AGBL1: variants seen among roughly 807,000 people sequenced by gnomAD.
AGBL1 encodes cytosolic carboxypeptidase 4.
AGBL1 carries 130 observed loss-of-function variants against 118.9 expected under a neutral mutation model. The observed-to-expected ratio is 1.09, with a 90% CI of 0.95 to 1.26. The LOEUF is 1.26. AGBL1 is among the 50% of genes most tolerant of loss of function. The probability of loss-of-function intolerance (pLI) is 0.00; values close to 1 mark genes in which losing one functional copy is unlikely to be tolerated. For missense variants in AGBL1, 1,584 were observed against 1,298.1 expected, an observed-to-expected ratio of 1.22 and a Z score of -3.38; for synonymous variants, 555 against 478.9, an observed-to-expected ratio of 1.16 and a Z score of -2.08.
At chr15:86,990,855 G>C (rs1436431765) in intron 24 of AGBL1, among the ~76,000 whole-genome samples, 1 of 152,122 alleles carries the variant, frequency 6.6e-6, no homozygotes, top group Non-Finnish European at 1.5e-5. Context: ...AACTCAGAAG[G>C]GGGAGGTTTA....
chr15:86,158,522 A>G (rs2077223359), intron 4 of AGBL1, among the ~76,000 whole-genome samples: 1 of 152,174 alleles, frequency 6.6e-6, no homozygotes, highest in Non-Finnish European at 1.5e-5. Context: ...GGGTACTGGG[A>G]ATGTTGGAGA....
chr15:86,630,715 G>C (rs1018940846), intron 21 of AGBL1: 14 of 152,216 alleles, frequency 9.2e-5, no homozygotes, highest in Admixed American at 2.6e-4. Context: ...GCTCTGCTCA[G>C]ATAGCTCGAG....
intron 5 of AGBL1, among the ~76,000 whole-genome samples, chr15:86,171,220 G>C (rs2141753138): frequency 6.6e-6 from 1 of 152,178 alleles, no homozygotes; most frequent in Non-Finnish European, 1.5e-5. Flanking sequence ...CACTAGAAAT[G>C]GTAACATGAG....
intron 22 of AGBL1, among the ~76,000 whole-genome samples, chr15:86,754,425 T>A (rs1207769954): frequency 1.3e-5 from 2 of 152,100 alleles, no homozygotes; most frequent in African/African-American, 4.8e-5. Flanking sequence ...ACCAGGTAGG[T>A]TCTGATGTCT....
chr15:86,701,573 G>A lies in AGBL1; in HGVS notation c.3158+27137G>A, dbSNP rs140252398. On this transcript the variant is annotated intron_variant, in intron 22 of 22. Coordinates refer to ENST00000614907, the MANE Select transcript of AGBL1 (RefSeq NM_001386094.1). ...TGCTTTGTCTCTTGAATGGTCTCTA[G>A]AGATTAGGAAAAGAAAGCAGTTGAA... is the stretch of plus-strand genomic sequence containing the variant. Among the ~76,000 whole-genome samples the A allele has an allele frequency of 1.6e-4, 24 of 152,170 alleles. No individual in the cohort carries two copies. The East Asian group carries it at 4.3e-3, about 27-fold the overall frequency.
intron 17 of AGBL1, among the ~76,000 whole-genome samples, chr15:86,298,336 C>CTA (rs1381765159): frequency 7.2e-5 from 8 of 111,474 alleles, no homozygotes; most frequent in Non-Finnish European, 7.5e-5. Flanking sequence ...TATATGGTAA[C>CTA]TATATATATA....
intron 5 of AGBL1, among the ~76,000 whole-genome samples, chr15:86,178,339 C>A (rs1193749227): frequency 1.3e-5 from 2 of 151,984 alleles, no homozygotes; most frequent in Non-Finnish European, 2.9e-5. Context: ...AACAAAAAAT[C>A]CAATCCAGAC....
At chr15:86,449,046 A>G (rs1468810797) in intron 18 of AGBL1, among the ~76,000 whole-genome samples, 1 of 152,212 alleles carries the variant, frequency 6.6e-6, no homozygotes, top group African/African-American at 2.4e-5. Flanking sequence ...TTAAAGCTGG[A>G]AGAACAGATA....
chr15:86,924,469 G>T (rs1262681247), intron 23 of AGBL1, among the ~76,000 whole-genome samples: 1 of 152,200 alleles, frequency 6.6e-6, no homozygotes, highest in African/African-American at 2.4e-5. Context: ...CTATTGAAAA[G>T]CTCTATGTCA....
At chr15:86,870,817 T>G (rs971912546) in intron 22 of AGBL1, among the ~76,000 whole-genome samples, 4 of 152,214 alleles carry the variant, frequency 2.6e-5, no homozygotes, top group African/African-American at 9.6e-5. Context: ...GTACTGAGAT[T>G]ACTATTTCAT....
intron 15 of AGBL1, among the ~76,000 whole-genome samples, chr15:86,278,576 T>G (rs1444317987): frequency 6.6e-6 from 1 of 152,194 alleles, no homozygotes; most frequent in African/African-American, 2.4e-5. Flanking sequence ...AACCCATGTT[T>G]GTTTTATTTT....
chr15:86,416,339 G>A (rs1019397079), intron 18 of AGBL1, among the ~76,000 whole-genome samples: 3 of 152,100 alleles, frequency 2.0e-5, no homozygotes, highest in South Asian at 2.1e-4. Context: ...TTGTAAATGC[G>A]GTGTTAAATG....
chr15:86,906,897 A>G lies in AGBL1; in HGVS notation c.3159-190A>G, dbSNP rs2080288069. ...GAGCAGTGATCTGAGGTTAAAACTC[A>G]AAGCAGGAAACTTCCACTCTCCTCT... is the stretch of plus-strand genomic sequence containing the variant. On this transcript the variant is annotated intron_variant, in intron 22 of 22. Coordinates refer to ENST00000614907, the MANE Select transcript of AGBL1 (RefSeq NM_001386094.1). Among the ~76,000 whole-genome samples, 7 of 152,178 alleles carry G rather than the reference A, an allele frequency of 4.6e-5. No homozygotes were observed. The South Asian group carries it at 1.4e-3, about 31-fold the overall frequency.
chr15:86,875,772 C>T (rs1398486225), intron 22 of AGBL1, among the ~76,000 whole-genome samples: 3 of 152,136 alleles, frequency 2.0e-5, no homozygotes, highest in African/African-American at 4.8e-5. Context: ...TGAAAGTTAA[C>T]CATTACGAAT....
chr15:86,392,333 T>G (rs1245300191), intron 17 of AGBL1, among the ~76,000 whole-genome samples: 1 of 152,206 alleles, frequency 6.6e-6, no homozygotes, highest in East Asian at 1.9e-4. Context: ...TTCCTATGAA[T>G]GTGTGTTTAA....
intron 22 of AGBL1, among the ~76,000 whole-genome samples, chr15:86,834,314 C>T (rs1375482253): frequency 1.3e-5 from 2 of 152,086 alleles, no homozygotes; most frequent in East Asian, 3.9e-4. Flanking sequence ...CAGACCAGCT[C>T]AGTGTGCAAG....
chr15:86,920,352 G>A (rs895143611), downstream of AGBL1, among the ~76,000 whole-genome samples: 1 of 152,106 alleles, frequency 6.6e-6, no homozygotes, highest in African/African-American at 2.4e-5. Flanking sequence ...CTGATGCTTT[G>A]AATCTCTTTT....
At chr15:86,558,789 C>T (rs1032857493) in intron 21 of AGBL1, among the ~76,000 whole-genome samples, 3 of 152,146 alleles carry the variant, frequency 2.0e-5, no homozygotes, top group Non-Finnish European at 4.4e-5. Context: ...ACAAAGCCCT[C>T]TACTACAAAA....
At chr15:86,934,953 C>G (rs1418572370) in intron 23 of AGBL1, 1 of 152,124 alleles carries the variant, frequency 6.6e-6, no homozygotes, top group Non-Finnish European at 1.5e-5. Context: ...GATATCACAC[C>G]AAATTTTCCA....
Sources: allele counts gnomAD v4.1 joint callset (sites outside exome capture counted in the v4.1 genomes callset), GRCh38; gene constraint gnomAD v4.1.1; transcripts MANE v1.5; gene names NCBI Gene and HGNC (gene_info 2026-07-23, HGNC 2026-07-21).